The following CCAR2 variants were observed in gnomAD, a reference collection of about 807,000 sequenced individuals.
CCAR2 encodes the protein cell cycle and apoptosis regulator 2.
A neutral mutation model predicts 108.1 loss-of-function variants in CCAR2; 21 were observed. The observed-to-expected ratio is 0.19, with a 90% CI of 0.14 to 0.28. CCAR2 has a LOEUF of 0.28. Among genes scored for constraint, CCAR2 ranks in the 10% least tolerant of loss-of-function variants. The probability of loss-of-function intolerance (pLI) is 1.00; values close to 1 mark genes in which losing one functional copy is unlikely to be tolerated. For synonymous variants in CCAR2, 577 were observed against 472.8 expected, an observed-to-expected ratio of 1.22 and a Z score of -2.86; for missense variants, 1,126 against 1,177.0, an observed-to-expected ratio of 0.96 and a Z score of 0.63.
chr8:22,619,813 G>A lies in CCAR2; in HGVS notation c.*131G>A. ...GCAGGGGTGGCTGACCCCATGCTCA[G>A]CCTCTAGGGGACGGCAGGCCATCAG... On this transcript the variant is annotated 3_prime_UTR_variant, in exon 21 of 21. Transcript: ENST00000308511. 2.1e-6 allele frequency: 2 copies of A among 942,298 alleles called. No homozygotes were observed. Among genetic ancestry groups the A allele is most frequent in the East Asian group, 2.6e-5 (1 of 37,956 alleles). 58.4% of individuals were successfully genotyped at this position (942,298 alleles called of 1,614,324 possible).
rs569504773 is a variant in CCAR2, at chr8:22,619,841, T to TG, written c.*164dup. On this transcript the variant is annotated 3_prime_UTR_variant, in exon 21 of 21. Transcript: ENST00000308511. Reference sequence around the variant, plus strand: ...TCTAGGGGACGGCAGGCCATCAGGCTGGGGGCTGTGCTATGTGGGATGGAT... The same window carrying TG: ...TCTAGGGGACGGCAGGCCATCAGGCTGGGGGGCTGTGCTATGTGGGATGGAT... 3.2e-4 allele frequency: 231 copies of TG among 725,920 alleles called. 1 individual carries two copies. In the East Asian group the frequency reaches 6.2e-3, roughly 19 times the overall value. The allele number at this position is 725,920 out of a possible 1,614,324, so 45.0% of individuals were successfully genotyped here.
At chr8:22,618,533 C>T in intron 17 of CCAR2, 38 bp downstream of exon 17, 2 of 1,614,100 alleles carry the variant, frequency 1.2e-6, no homozygotes, top group Non-Finnish European at 1.7e-6. Context: ...TGGGCACAGG[C>T]CTGCACTTAC....
In CCAR2 at chr8:22,619,020, G is replaced by A; in HGVS notation, c.2521+5G>A. The stretch of plus-strand genomic sequence containing the variant: ...ACACACTGGAGCTGAAGCTGGGTGA[G>A]GGCCTGGGGCTGCAGCCACCATGGG... On this transcript the variant is annotated splice_donor_5th_base_variant and intron_variant, in intron 19 of 20. Coordinates refer to ENST00000308511, the MANE Select transcript of CCAR2 (RefSeq NM_001393997.1). 1 of 1,612,230 alleles carries A rather than the reference G, an allele frequency of 6.2e-7. No homozygotes were observed. The highest frequency in any genetic ancestry group is 8.5e-7 in the Non-Finnish European group (1 of 1,179,408).
At chr8:22,613,185 T>A (rs1801360743) in intron 8 of CCAR2, 49 bp downstream of exon 8, 1 of 1,500,410 alleles carries the variant, frequency 6.7e-7, no homozygotes, top group South Asian at 1.3e-5. Context: ...GGTAATAGTT[T>A]CTTATGTAAA....
downstream of CCAR2, chr8:22,621,195 C>G: frequency 1.7e-6 from 1 of 574,126 alleles, no homozygotes; most frequent in Non-Finnish European, 3.0e-6. Context: ...AAAAAAGCCC[C>G]AAGGGTTTGT....
chr8:22,606,731 C>A, intron 4 of CCAR2, 33 bp downstream of exon 4: 1 of 1,562,640 alleles, frequency 6.4e-7, no homozygotes, highest in South Asian at 1.1e-5. Flanking sequence ...AACGGAAATG[C>A]TTATTGGATT....
Position 22,615,728 on chromosome 8 carries a change from C to T in CCAR2, c.1424C>T (p.Ala475Val). ...GCACCTGATGCCTTGGAGCAAGCAG[C>T]AGACACTTCTAGACGGAACGCAGAA... ...EQAPDALEQA[A>V]DTSRRNAETP... The change falls in exon 13 of 21, where the codon GCA (alanine) becomes GTA (valine). Residue 475 changes from alanine to valine, a missense_variant. Ala to Val is a moderately conservative substitution (Grantham distance 64). Coordinates refer to ENST00000308511, the MANE Select transcript of CCAR2 (RefSeq NM_001393997.1). The T allele has an allele frequency of 1.2e-6, 2 of 1,613,810 alleles. No individual in the cohort carries two copies. Among genetic ancestry groups the T allele is most frequent in the East Asian group, 2.2e-5 (1 of 44,872 alleles).
chr8:22,606,044 G>A (rs1329105568), intron 2 of CCAR2, 41 bp from the exon 3 acceptor site: 4 of 1,549,856 alleles, frequency 2.6e-6, no homozygotes, highest in African/African-American at 1.4e-5. Flanking sequence ...TGCTTAAGGT[G>A]GTAGGGGCGG....
Position 22,615,471 on chromosome 8 carries a change from C to T in CCAR2, c.1252C>T (p.Arg418Trp), listed in dbSNP as rs200285926. The T allele has an allele frequency of 8.9e-5, 144 of 1,613,810 alleles. No homozygotes were observed. Among genetic ancestry groups the T allele is most frequent in the Non-Finnish European group, 1.1e-4 (132 of 1,180,018 alleles). ...GTACCTGCAGCCGGGACCCCCCCGG[C>T]GGCTTCAGACAGTGGTGGTGTACCT... is the stretch of plus-strand genomic sequence containing the variant. ...FQYLQPGPPR[R>W]LQTVVVYLPD... The change falls in exon 12 of 21, where the codon CGG (arginine) becomes TGG (tryptophan). Residue 418 changes from arginine to tryptophan, a missense_variant. Coordinates refer to ENST00000308511, the MANE Select transcript of CCAR2 (RefSeq NM_001393997.1).
downstream of CCAR2, chr8:22,621,303 C>T (rs183928789): frequency 2.7e-4 from 370 of 1,347,432 alleles, no homozygotes; most frequent in Middle Eastern, 5.9e-3. Context: ...TGCAAAGGGC[C>T]GGCAAGTGAA....
rs754682907 is a variant in CCAR2 at position 22,614,184 on chromosome 8, C to CCTT, written c.799_801dup (p.Phe267dup). On this transcript the variant is annotated inframe_insertion, in exon 9 of 21. Transcript: ENST00000308511. Reference sequence around the variant, plus strand: ...TCCGTGCATCTGAGTTGGCTATCAGCCTTCCCCCTGAGCCAGCCCTTTTCC... The same window carrying CCTT: ...TCCGTGCATCTGAGTTGGCTATCAGCCTTCTTCCCCCTGAGCCAGCCCTTTTCC... 6.2e-7 allele frequency: 1 copy of CCTT among 1,614,104 alleles called. No homozygotes were observed. The highest frequency in any genetic ancestry group is 1.1e-5 in the South Asian group (1 of 91,080).
In CCAR2 at chr8:22,615,667, C is replaced by T; in HGVS notation, c.1378-15C>T. On this transcript the variant is annotated splice_polypyrimidine_tract_variant and intron_variant, in intron 12 of 20. Coordinates refer to ENST00000308511, the MANE Select transcript of CCAR2 (RefSeq NM_001393997.1). The stretch of plus-strand genomic sequence containing the variant: ...TCCCGGGACCCAGAGGGTCTCATTT[C>T]AGCTGTTGTCACAGGAAACGGAGCC... 6.2e-7 allele frequency: 1 copy of T among 1,613,810 alleles called. No homozygotes were observed. The highest frequency in any genetic ancestry group is 8.5e-7 in the Non-Finnish European group (1 of 1,179,984).
Position 22,606,194 on chromosome 8 carries a change from TGTA to T in CCAR2, c.150+22_150+24del, listed in dbSNP as rs1475224246. On this transcript the variant is annotated intron_variant, in intron 3 of 20. Transcript: ENST00000308511. Reference sequence around the variant, plus strand: ...ACCTTCAGGTAGGTTCGGCATCCCTTGTAGTAAGTTTCAGCCCTTGGGACTGAA... The same window carrying T: ...ACCTTCAGGTAGGTTCGGCATCCCTTGTAAGTTTCAGCCCTTGGGACTGAA... 6.3e-7 allele frequency: 1 copy of T among 1,592,218 alleles called. No individual in the cohort carries two copies. Among genetic ancestry groups the T allele is most frequent in the East Asian group, 2.2e-5 (1 of 44,828 alleles).
At chr8:22,619,038 A>C in intron 19 of CCAR2, 23 bp downstream of exon 19, 4 of 1,610,230 alleles carry the variant, frequency 2.5e-6, no homozygotes, top group South Asian at 2.2e-5. Flanking sequence ...GGCTGCAGCC[A>C]CCATGGGGTC....
rs200787495 is a variant in CCAR2, at chr8:22,606,597, T to C, written c.151-10T>C. 4.3e-6 allele frequency: 7 copies of C among 1,610,116 alleles called. No individual in the cohort carries two copies. Among genetic ancestry groups the C allele is most frequent in the African/African-American group, 1.3e-5 (1 of 74,814 alleles). ...CCCTTTTACTTTTCAGCTGTCTCCTTCTCTTACAGGGTGGGGAGAAACAGC... is the reference window on the plus strand; with the variant it reads ...CCCTTTTACTTTTCAGCTGTCTCCTCCTCTTACAGGGTGGGGAGAAACAGC... On this transcript the variant is annotated splice_polypyrimidine_tract_variant and intron_variant, in intron 3 of 20. Coordinates refer to ENST00000308511, the MANE Select transcript of CCAR2 (RefSeq NM_001393997.1).
intron 8 of CCAR2, 85 bp from the exon 9 acceptor site, chr8:22,614,007 C>G: frequency 7.9e-7 from 1 of 1,262,406 alleles, no homozygotes; most frequent in East Asian, 2.4e-5. Context: ...AAAAAAAATT[C>G]GCCCATTTTT....
At position 22,606,633 on chromosome 8, in the gene CCAR2, T is replaced by C; in HGVS notation, c.177T>C (p.Thr59=). Residue 59 remains threonine, a synonymous_variant, in exon 4 of 21, where the codon ACT becomes ACC. Coordinates refer to ENST00000308511, the MANE Select transcript of CCAR2 (RefSeq NM_001393997.1). ...LQGGEKQRVF[T]GIVTSLHDYF... ...GTGGGGAGAAACAGCGGGTCTTCAC[T>C]GGTATTGTTACCAGCTTGCATGACT... 6.2e-7 allele frequency: 1 copy of C among 1,614,190 alleles called. No homozygotes were observed. Among genetic ancestry groups the C allele is most frequent in the Non-Finnish European group, 8.5e-7 (1 of 1,180,004 alleles).
chr8:22,618,220 A>G, intron 16 of CCAR2, 129 bp from the exon 17 acceptor site: 1 of 1,231,398 alleles, frequency 8.1e-7, no homozygotes, highest in Non-Finnish European at 1.2e-6. Context: ...CCTCCCCAGC[A>G]GCTGGGACTT....
rs1801620203 is a variant in CCAR2 at position 22,618,645 on chromosome 8, C to A, written c.2249C>A (p.Thr750Asn). The A allele has an allele frequency of 1.2e-6, 2 of 1,614,102 alleles. No homozygotes were observed. Among genetic ancestry groups the A allele is most frequent in the South Asian group, 1.1e-5 (1 of 91,090 alleles). ...AAGCAGCTGGTCAGCAGGGTGGTGACCCAGAACATCTGCCAGTACCGGAGC... is the reference window on the plus strand; with the variant it reads ...AAGCAGCTGGTCAGCAGGGTGGTGAACCAGAACATCTGCCAGTACCGGAGC... ...QAKQLVSRVV[T>N]QNICQYRSLQ... Residue 750 changes from threonine to asparagine, a missense_variant, in exon 18 of 21, where the codon ACC (threonine) becomes AAC (asparagine). Thr to Asn is a moderately conservative substitution (Grantham distance 65). This residue lies in a region of CCAR2 where 1,013 missense variants were observed against 993.9 expected (regional missense o/e 1.02). Transcript: ENST00000308511.
Sources: gnomAD v4.1 joint callset for allele counts on GRCh38, gnomAD v4.1.1 for gene constraint, gnomAD v4.1.1 regional missense constraint, MANE v1.5 for transcripts, NCBI Gene and HGNC (gene_info 2026-07-23, HGNC 2026-07-21) for gene names.